The following NAA25 variants were observed in gnomAD, a reference collection of about 807,000 sequenced individuals.
NAA25 encodes N-alpha-acetyltransferase 25, NatB auxiliary subunit.
Under a neutral mutation model 132.5 loss-of-function variants are expected in NAA25, and 30 were observed. The observed-to-expected ratio is 0.23, with a 90% CI of 0.17 to 0.31. The LOEUF (loss-of-function observed/expected upper bound fraction) is 0.31, where lower values mean the gene tolerates loss of function less well. Among genes scored for constraint, NAA25 ranks in the 10% least tolerant of loss-of-function variants. The pLI is 1.00. For synonymous variants in NAA25, 359 were observed against 401.9 expected (o/e 0.89, Z 1.28); for missense variants, 771 against 1,150.4 (o/e 0.67, Z 4.77).
intron 7 of NAA25, among the ~76,000 whole-genome samples, chr12:112,077,605 G>A (rs951918236): frequency 6.6e-6 from 1 of 151,980 alleles, no homozygotes; most frequent in Admixed American, 6.6e-5. Flanking sequence ...GCAAAACAGT[G>A]AGACCTCATC....
chr12:112,057,063 CTGTA>C (rs949471342), intron 13 of NAA25, among the ~76,000 whole-genome samples: 3 of 152,090 alleles, frequency 2.0e-5, no homozygotes, highest in African/African-American at 4.8e-5. Context: ...TGGTGCGCGC[CTGTA>C]ATCCCAGCTA....
At chr12:112,065,982 A>C (rs551492179) in intron 11 of NAA25, among the ~76,000 whole-genome samples, 60 of 152,366 alleles carry the variant, frequency 3.9e-4, no homozygotes, top group Non-Finnish European at 8.5e-4. Flanking sequence ...AAATTTACAT[A>C]GACTAGGACT....
chr12:112,080,294 A>AAC (rs1566023787), intron 5 of NAA25, among the ~76,000 whole-genome samples: 1 of 149,944 alleles, frequency 6.7e-6, no homozygotes. Context: ...AAAAAAAAAA[A>AAC]AAAAAACCCA....
Position 112,061,276 on chromosome 12 carries a change from G to A in NAA25, c.1262C>T (p.Thr421Met). 1.2e-6 allele frequency: 2 copies of A among 1,613,984 alleles called. No homozygotes were observed. Among genetic ancestry groups the A allele is most frequent in the Non-Finnish European group, 1.7e-6 (2 of 1,179,984 alleles). ...GGTGTGGTACAAGCCAAGTAACCTC[G>A]TCAGCTGCACCACACACAAATGTTG... is the stretch of plus-strand genomic sequence containing the variant. ...LQQHLCVVQL[T>M]RLLGLYHTMD... Residue 421 changes from threonine (T) to methionine (M), a missense_variant, in exon 12 of 24, where the codon ACG becomes ATG. Physicochemically the swap from Thr to Met is moderately conservative, Grantham distance 81. Coordinates refer to ENST00000261745, the MANE Select transcript of NAA25 (RefSeq NM_024953.4).
chr12:112,061,392 C>T lies in NAA25; in HGVS notation c.1150-4G>A. 1 of 1,611,222 alleles carries T rather than the reference C, an allele frequency of 6.2e-7. No individual in the cohort carries two copies. Among genetic ancestry groups the T allele is most frequent in the South Asian group, 1.1e-5 (1 of 90,952 alleles). ...CTCCAAGTAACTGATTAATAAACTG[C>T]AAAGTGGGGAAAAAAGGAGCAAAGG... On this transcript the variant is annotated splice_region_variant and splice_polypyrimidine_tract_variant and intron_variant, in intron 11 of 23. Transcript: ENST00000261745.
At chr12:112,059,641 A>G (rs372777248) in intron 13 of NAA25, among the ~76,000 whole-genome samples, 32 of 152,320 alleles carry the variant, frequency 2.1e-4, no homozygotes, top group African/African-American at 7.5e-4. Context: ...ATTCTGTTCC[A>G]TAGGCCTGTG....
At chr12:112,065,688 A>G (rs774887871) in intron 11 of NAA25, 1 of 152,068 alleles carries the variant, frequency 6.6e-6, no homozygotes, top group Non-Finnish European at 1.5e-5. Flanking sequence ...TAAATAAAAA[A>G]CTAGAATCAT....
At chr12:112,067,669 A>G (rs1342383746) in intron 11 of NAA25, among the ~76,000 whole-genome samples, 1 of 152,162 alleles carries the variant, frequency 6.6e-6, no homozygotes, top group East Asian at 1.9e-4. Context: ...TGGGCCACAG[A>G]GCGAGACCCT....
intron 15 of NAA25, among the ~76,000 whole-genome samples, chr12:112,050,095 G>C (rs1009961884): frequency 6.7e-6 from 1 of 150,344 alleles, no homozygotes; most frequent in Admixed American, 6.6e-5. Context: ...GAAAAATAAG[G>C]GGCAACAAAG....
At chr12:112,098,119 C>CAAAAAAAAAA (rs60232542) in intron 1 of NAA25, among the ~76,000 whole-genome samples, 1 of 54,164 alleles carries the variant, frequency 1.8e-5, no homozygotes. Context: ...GACTCCATCT[C>CAAAAAAAAAA]AAAAAAAAAA....
At chr12:112,089,157 T>C (rs759142364) in intron 3 of NAA25, among the ~76,000 whole-genome samples, 1 of 152,080 alleles carries the variant, frequency 6.6e-6, no homozygotes, top group African/African-American at 2.4e-5. Context: ...TCCCAGCACT[T>C]TGGGAGGCTG....
intron 1 of NAA25, 115 bp from the exon 2 acceptor site, chr12:112,093,251 T>C: frequency 1.6e-6 from 1 of 629,222 alleles, no homozygotes; most frequent in East Asian, 3.1e-5. Context: ...ATATAAAACA[T>C]CATGGAGGCC....
At chr12:112,095,190 C>T (rs1369979124) in intron 1 of NAA25, among the ~76,000 whole-genome samples, 1 of 152,044 alleles carries the variant, frequency 6.6e-6, no homozygotes, top group East Asian at 2.0e-4. Flanking sequence ...GTAATCCCAG[C>T]ACTTTGGGAG....
Position 112,033,214 on chromosome 12 carries a change from A to C in NAA25, c.2796+19T>G, listed in dbSNP as rs760229112. 1 of 1,591,066 alleles carries C rather than the reference A, an allele frequency of 6.3e-7. No homozygotes were observed. The highest frequency in any genetic ancestry group is 2.2e-5 in the East Asian group (1 of 44,530). Reference sequence around the variant, plus strand: ...TGTGTGTGTGTAGAAAACATTGCCGATTGCCTACAATCTCTTACCGGTGAG... The same window carrying C: ...TGTGTGTGTGTAGAAAACATTGCCGCTTGCCTACAATCTCTTACCGGTGAG... On this transcript the variant is annotated intron_variant, in intron 23 of 23. Transcript: ENST00000261745.
rs1218063946 is a variant in NAA25 at position 112,029,483 on chromosome 12, G to A, written c.*48C>T. 6.2e-7 allele frequency: 1 copy of A among 1,609,446 alleles called. No homozygotes were observed. The highest frequency in any genetic ancestry group is 8.5e-7 in the Non-Finnish European group (1 of 1,177,564). The stretch of plus-strand genomic sequence containing the variant: ...GATGTTGCTTTTGCCTGGGAAGATG[G>A]TGTCATATTCTGTTGCAGAGTCATC... On this transcript the variant is annotated 3_prime_UTR_variant, in exon 24 of 24. Transcript: ENST00000261745.
intron 9 of NAA25, 73 bp from the exon 10 acceptor site, chr12:112,072,137 C>A (rs1229832952): frequency 1.5e-5 from 17 of 1,112,474 alleles, no homozygotes; most frequent in East Asian, 2.9e-5. Flanking sequence ...TCAAGCCAAA[C>A]TCATTTAAAA....
chr12:112,053,351 G>T (rs1593770116), intron 15 of NAA25, among the ~76,000 whole-genome samples: 2 of 152,064 alleles, frequency 1.3e-5, no homozygotes, highest in African/African-American at 2.4e-5. Flanking sequence ...ACTTTCCAAG[G>T]ATTCTATTAA....
chr12:112,036,318 C>A (rs529423298), intron 22 of NAA25, among the ~76,000 whole-genome samples: 1 of 152,082 alleles, frequency 6.6e-6, no homozygotes, highest in Non-Finnish European at 1.5e-5. Context: ...AAAAGAATTG[C>A]AAAACATTTG....
intron 4 of NAA25, among the ~76,000 whole-genome samples, chr12:112,085,927 G>A (rs943044797): frequency 1.4e-5 from 2 of 139,392 alleles, no homozygotes; most frequent in African/African-American, 5.4e-5. Context: ...TGAGGCAGAA[G>A]AATCGCTTGA....
Sources: allele counts gnomAD v4.1 joint callset (sites outside exome capture counted in the v4.1 genomes callset), GRCh38; gene constraint gnomAD v4.1.1; transcripts MANE v1.5; gene names NCBI Gene and HGNC (gene_info 2026-07-23, HGNC 2026-07-21).